Variants in CAPN13 observed in about 807,000 individuals in gnomAD.
CAPN13 encodes the protein calpain 13, also known as calpain-13.
A neutral mutation model predicts 98.4 loss-of-function variants in CAPN13; 90 were observed. The ratio of observed to expected loss-of-function variants is 0.92; its 90% confidence interval spans 0.77 to 1.09. The LOEUF (loss-of-function observed/expected upper bound fraction) is 1.09. Ranked by LOEUF, CAPN13 falls within the 50% of genes least tolerant of loss-of-function variation. The probability of loss-of-function intolerance (pLI) is 0.00; values close to 1 mark genes in which losing one functional copy is unlikely to be tolerated. For synonymous variants in CAPN13, 330 were observed against 305.5 expected, an observed-to-expected ratio of 1.08 and a Z score of -0.84; for missense variants, 887 against 841.3, an observed-to-expected ratio of 1.05 and a Z score of -0.67.
chr2:30,757,882 C>A (rs1335238696), intron 8 of CAPN13, among the ~76,000 whole-genome samples, 164 bp downstream of exon 8: 1 of 152,208 alleles, frequency 6.6e-6, no homozygotes, highest in Non-Finnish European at 1.5e-5. Flanking sequence ...TGGCGGATGG[C>A]ATCACAGGAG....
Position 30,751,472 on chromosome 2 carries a change from C to T in CAPN13, c.1088-221G>A, listed in dbSNP as rs139173400. Among the ~76,000 whole-genome samples, 677 of 152,302 alleles carry T rather than the reference C, an allele frequency of 4.4e-3. 8 individuals carry two copies. The highest frequency in any genetic ancestry group is 0.015 in the African/African-American group (630 of 41,554). ...CACAGGAGAGGTTGTATAGTCCCTA[C>T]TGTGTGAAAAATATTTCTTAAACTG... is the stretch of plus-strand genomic sequence containing the variant. On this transcript the variant is annotated intron_variant, in intron 10 of 22. Transcript: ENST00000295055.
intron 1 of CAPN13, among the ~76,000 whole-genome samples, chr2:30,796,187 T>TATATATGTGTGTGTATATATATATAC (rs1674862512): frequency 7.2e-6 from 1 of 137,980 alleles, no homozygotes; most frequent in Non-Finnish European, 1.5e-5. Context: ...TATATATACA[T>TATATATGTGTGTGTATATATATATAC]ATATATGTGT....
At chr2:30,763,436 G>A (rs1672947526) in intron 6 of CAPN13, among the ~76,000 whole-genome samples, 1 of 152,250 alleles carries the variant, frequency 6.6e-6, no homozygotes, top group African/African-American at 2.4e-5. Flanking sequence ...CATGTCATCA[G>A]TGAGACACGG....
In CAPN13 at chr2:30,758,458, T is replaced by C. The variant is rs116822345; in HGVS notation, c.775-321A>G. Among the ~76,000 whole-genome samples, 1,059 of 152,294 alleles carry C rather than the reference T, an allele frequency of 7.0e-3. 8 individuals carry two copies. Among genetic ancestry groups the C allele is most frequent in the African/African-American group, 0.023 (942 of 41,556 alleles). ...AATAGCAGATAAACAGCAGGGGATGTTGCTTCGGGCTGCAGAGAATTTTAT... is the reference window on the plus strand; with the variant it reads ...AATAGCAGATAAACAGCAGGGGATGCTGCTTCGGGCTGCAGAGAATTTTAT... On this transcript the variant is annotated intron_variant, in intron 7 of 22. Transcript: ENST00000295055.
At chr2:30,766,690 C>T (rs1014140263) in intron 5 of CAPN13, among the ~76,000 whole-genome samples, 1 of 152,114 alleles carries the variant, frequency 6.6e-6, no homozygotes, top group African/African-American at 2.4e-5. Flanking sequence ...GCCCGGCAAT[C>T]ATATGAAAGA....
intron 15 of CAPN13, 73 bp from the exon 16 acceptor site, chr2:30,738,530 TA>T: frequency 6.8e-7 from 1 of 1,467,828 alleles, no homozygotes; most frequent in Non-Finnish European, 9.3e-7. Context: ...GCCTGCCGTG[TA>T]AAAGCACTCA....
At chr2:30,784,069 A>G (rs1378398216) in intron 2 of CAPN13, among the ~76,000 whole-genome samples, 1 of 151,996 alleles carries the variant, frequency 6.6e-6, no homozygotes, top group Admixed American at 6.5e-5. Context: ...AATCCCGGCT[A>G]CTCAGGAGGC....
chr2:30,759,020 A>G (rs1347907392), intron 7 of CAPN13, among the ~76,000 whole-genome samples: 8 of 59,138 alleles, frequency 1.4e-4, no homozygotes, highest in African/African-American at 5.8e-4. Flanking sequence ...CCCTGCTCCT[A>G]TTCTTCCTTC....
chr2:30,727,978 G>T (rs868038791), intron 22 of CAPN13, among the ~76,000 whole-genome samples: 1 of 151,870 alleles, frequency 6.6e-6, no homozygotes, highest in Non-Finnish European at 1.5e-5. Flanking sequence ...GCACTTAAAA[G>T]GAATGAAGTA....
At chr2:30,789,701 G>C (rs143629178) in intron 1 of CAPN13, among the ~76,000 whole-genome samples, 170 of 152,326 alleles carry the variant, frequency 1.1e-3, no homozygotes, top group African/African-American at 2.8e-3. Context: ...ATGAAACCAT[G>C]CTCCCAGAAC....
chr2:30,777,873 T>A (rs1372409705), intron 2 of CAPN13, among the ~76,000 whole-genome samples: 1 of 152,118 alleles, frequency 6.6e-6, no homozygotes, highest in Non-Finnish European at 1.5e-5. Flanking sequence ...GCATACTACA[T>A]GGAGAGATAA....
At chr2:30,728,429 C>T (rs1670937172) in intron 22 of CAPN13, among the ~76,000 whole-genome samples, 1 of 147,404 alleles carries the variant, frequency 6.8e-6, no homozygotes, top group African/African-American at 2.4e-5. Flanking sequence ...TATGGGAACC[C>T]ATAATATGGG....
chr2:30,798,291 C>T (rs992575379), intron 1 of CAPN13, among the ~76,000 whole-genome samples: 3 of 152,278 alleles, frequency 2.0e-5, no homozygotes, highest in Non-Finnish European at 2.9e-5. Context: ...TACCACAGAA[C>T]AAGGAAGGCC....
At chr2:30,778,659 A>G (rs1414044419) in intron 2 of CAPN13, among the ~76,000 whole-genome samples, 1 of 152,190 alleles carries the variant, frequency 6.6e-6, no homozygotes, top group African/African-American at 2.4e-5. Context: ...TAAACTGCCC[A>G]GGTTTCCTGG....
intron 2 of CAPN13, among the ~76,000 whole-genome samples, chr2:30,782,554 C>T (rs962075902): frequency 1.3e-5 from 2 of 152,140 alleles, no homozygotes; most frequent in Non-Finnish European, 2.9e-5. Flanking sequence ...ACGTTTTGGT[C>T]GCAAGGTGAG....
chr2:30,762,131 A>T (rs1455283455), intron 7 of CAPN13, among the ~76,000 whole-genome samples: 1 of 152,238 alleles, frequency 6.6e-6, no homozygotes. Context: ...GTAGACGGAC[A>T]CTAAAGAGAC....
chr2:30,741,989 T>C (rs898682907), intron 14 of CAPN13, 25 bp from the exon 15 acceptor site: 36 of 1,608,270 alleles, frequency 2.2e-5, no homozygotes, highest in Non-Finnish European at 2.8e-5. Context: ...AAATAGTCAA[T>C]GTTAGACTTC....
chr2:30,734,643 G>A, intron 18 of CAPN13, 119 bp from the exon 19 acceptor site: 2 of 750,816 alleles, frequency 2.7e-6, no homozygotes, highest in Non-Finnish European at 2.3e-6. Flanking sequence ...ACAGCACTGA[G>A]GACTGGGAGG....
chr2:30,806,005 C>T (rs1003131511), intron 1 of CAPN13, among the ~76,000 whole-genome samples: 7 of 152,200 alleles, frequency 4.6e-5, no homozygotes, highest in Middle Eastern at 3.4e-3. Context: ...GTCTTGAACT[C>T]CTGGGATCAA....
Sources: allele counts gnomAD v4.1 joint callset (sites outside exome capture counted in the v4.1 genomes callset), GRCh38; gene constraint gnomAD v4.1.1; transcripts MANE v1.5; gene names NCBI Gene and HGNC (gene_info 2026-07-23, HGNC 2026-07-21).